MYRFL: variants seen among roughly 807,000 people sequenced by gnomAD.
The protein encoded by MYRFL is myelin regulatory factor like, also known as myelin regulatory factor-like protein.
Under a neutral mutation model 109.4 loss-of-function variants are expected in MYRFL, and 88 were observed. That is an observed-to-expected ratio of 0.80 (90% CI 0.68 to 0.96). MYRFL has a LOEUF of 0.96. Among genes scored for constraint, MYRFL ranks in the 40% least tolerant of loss-of-function variants. The probability of loss-of-function intolerance (pLI) is 0.00; values close to 1 mark genes in which losing one functional copy is unlikely to be tolerated. For missense variants in MYRFL, 957 were observed against 954.9 expected (o/e 1.00, Z -0.03); for synonymous variants, 324 against 320.9 (o/e 1.01, Z -0.10).
chr12:69,837,454 C>A (rs1442354065), intron 1 of MYRFL, among the ~76,000 whole-genome samples: 2 of 152,024 alleles, frequency 1.3e-5, no homozygotes, highest in Non-Finnish European at 2.9e-5. Flanking sequence ...TTGTTCTGAG[C>A]CCTGTCTCCG....
chr12:69,907,556 T>C (rs986298), intron 11 of MYRFL, among the ~76,000 whole-genome samples: 84,673 of 152,080 alleles, frequency 0.56, 23,752 homozygotes, highest in East Asian at 0.79. Flanking sequence ...GCTGAGGAAC[T>C]GGGTAGGGCC....
At chr12:69,849,059 A>G (rs1477275581) in intron 1 of MYRFL, among the ~76,000 whole-genome samples, 1 of 152,168 alleles carries the variant, frequency 6.6e-6, no homozygotes, top group Non-Finnish European at 1.5e-5. Flanking sequence ...TTTAGTAGAG[A>G]CAGGGTTTCA....
At chr12:69,933,121 A>C (rs1955321456) in intron 16 of MYRFL, among the ~76,000 whole-genome samples, 1 of 152,186 alleles carries the variant, frequency 6.6e-6, no homozygotes, top group Non-Finnish European at 1.5e-5. Flanking sequence ...CAAATCTACT[A>C]AGCAGTTAAA....
intron 7 of MYRFL, among the ~76,000 whole-genome samples, chr12:69,892,888 T>C (rs1300731288): frequency 6.6e-6 from 1 of 152,232 alleles, no homozygotes; most frequent in East Asian, 1.9e-4. Flanking sequence ...TAATCTCATA[T>C]TGCTAGTAAT....
At chr12:69,830,636 C>T (rs1275627286) in intron 1 of MYRFL, among the ~76,000 whole-genome samples, 1 of 151,934 alleles carries the variant, frequency 6.6e-6, no homozygotes, top group African/African-American at 2.4e-5. Flanking sequence ...CCAGCCAGGT[C>T]ATGCAAGGAA....
chr12:69,903,220 T>G (rs559072746), intron 10 of MYRFL, among the ~76,000 whole-genome samples: 1 of 152,372 alleles, frequency 6.6e-6, no homozygotes, highest in South Asian at 2.1e-4. Flanking sequence ...GCTAGCTAAA[T>G]GCAAGGTATT....
At chr12:69,857,364 T>C (rs1251621237) in intron 2 of MYRFL, among the ~76,000 whole-genome samples, 2 of 151,918 alleles carry the variant, frequency 1.3e-5, no homozygotes, top group African/African-American at 2.4e-5. Context: ...AATATTGTCT[T>C]GGTTATTCTA....
At chr12:69,861,214 G>A (rs1231247719) in intron 2 of MYRFL, among the ~76,000 whole-genome samples, 1 of 151,890 alleles carries the variant, frequency 6.6e-6, no homozygotes, top group South Asian at 2.1e-4. Context: ...ACATACATGT[G>A]CATGTGTCTT....
chr12:69,938,778 G>A (rs1183172090), intron 19 of MYRFL, among the ~76,000 whole-genome samples: 1 of 152,172 alleles, frequency 6.6e-6, no homozygotes, highest in African/African-American at 2.4e-5. Context: ...TCCCTCTGAG[G>A]TACCGGGTTC....
At chr12:69,893,989 ATTTTTT>A (rs60637559) in intron 8 of MYRFL, 149 bp downstream of exon 8, 102 of 113,162 alleles carry the variant, frequency 9.0e-4, no homozygotes, top group Non-Finnish European at 1.4e-3. Flanking sequence ...AATAATGTTA[ATTTTTT>A]TTTTTTTTTT....
chr12:69,834,940 CTTTG>C (rs573638934), intron 1 of MYRFL, among the ~76,000 whole-genome samples: 13 of 152,106 alleles, frequency 8.5e-5, no homozygotes, highest in Non-Finnish European at 1.8e-4. Flanking sequence ...AGTTGGCATT[CTTTG>C]TTTGGGGTTA....
At chr12:69,932,419 C>A in intron 15 of MYRFL, 94 bp from the exon 16 acceptor site, 1 of 774,410 alleles carries the variant, frequency 1.3e-6, no homozygotes, top group African/African-American at 1.7e-5. Flanking sequence ...CCCAAGAGAG[C>A]AGCAAATACC....
chr12:69,951,161 G>A (rs1212435888), intron 19 of MYRFL, among the ~76,000 whole-genome samples: 1 of 152,208 alleles, frequency 6.6e-6, no homozygotes, highest in Non-Finnish European at 1.5e-5. Flanking sequence ...AGGGATCTGT[G>A]AGCTGCAGAC....
At chr12:69,942,303 C>A (rs796278458) in intron 19 of MYRFL, among the ~76,000 whole-genome samples, 22,777 of 135,226 alleles carry the variant, frequency 0.17, 1,945 homozygotes, top group Middle Eastern at 0.35. Context: ...ACTGGCAAAC[C>A]GAATCCAGCA....
At chr12:69,891,587 T>TTC (rs1445970540) in intron 7 of MYRFL, among the ~76,000 whole-genome samples, 65 of 139,222 alleles carry the variant, frequency 4.7e-4, no homozygotes, top group Non-Finnish European at 6.7e-4. Flanking sequence ...CTTTCTTTCT[T>TTC]TCTTTCTTTC....
chr12:69,895,562 C>A, intron 9 of MYRFL, 81 bp downstream of exon 9: 1 of 1,073,120 alleles, frequency 9.3e-7, no homozygotes, highest in Non-Finnish European at 1.4e-6. Context: ...CCCCTCTGAT[C>A]TTCCTGGTGC....
At chr12:69,864,555 C>A (rs1261828209) in intron 2 of MYRFL, among the ~76,000 whole-genome samples, 1 of 151,810 alleles carries the variant, frequency 6.6e-6, no homozygotes, top group Non-Finnish European at 1.5e-5. Flanking sequence ...TGGTACCTGG[C>A]TCTTATTACT....
chr12:69,907,581 C>T (rs1954407928), intron 11 of MYRFL, among the ~76,000 whole-genome samples: 1 of 152,202 alleles, frequency 6.6e-6, no homozygotes, highest in Non-Finnish European at 1.5e-5. Flanking sequence ...CAGTGCAAGG[C>T]CAGTCCAGGC....
intron 13 of MYRFL, among the ~76,000 whole-genome samples, 191 bp from the exon 14 acceptor site, chr12:69,926,380 A>G (rs1283348378): frequency 2.0e-5 from 3 of 152,204 alleles, no homozygotes; most frequent in Non-Finnish European, 2.9e-5. Flanking sequence ...AGTTTACTAC[A>G]CAGCCAGCAG....
Sources: allele counts gnomAD v4.1 joint callset (sites outside exome capture counted in the v4.1 genomes callset), GRCh38; gene constraint gnomAD v4.1.1; transcripts MANE v1.5; gene names NCBI Gene and HGNC (gene_info 2026-07-23, HGNC 2026-07-21).